The following KCND3 variants were observed in gnomAD, a reference collection of about 807,000 sequenced individuals.
KCND3 encodes the protein A-type voltage-gated potassium channel KCND3.
KCND3 carries 9 observed loss-of-function variants against 51.1 expected under a neutral mutation model. The ratio of observed to expected loss-of-function variants is 0.18; its 90% CI spans 0.11 to 0.31. KCND3 has a LOEUF of 0.31. Among genes scored for constraint, KCND3 ranks in the 10% least tolerant of loss-of-function variants. The pLI, the probability that KCND3 is intolerant of heterozygous loss-of-function variation, is 1.00. For missense variants in KCND3, 526 were observed against 903.8 expected, an observed-to-expected ratio of 0.58 and a Z score of 5.36; for synonymous variants, 349 against 368.0, an observed-to-expected ratio of 0.95 and a Z score of 0.59.
At position 111,780,628 on chromosome 1, in the gene KCND3, A is replaced by G. The variant is rs1015217202; in HGVS notation, c.1371+62T>C. On this transcript the variant is annotated intron_variant, in intron 4 of 7. Coordinates refer to ENST00000302127, the MANE Select transcript of KCND3 (RefSeq NM_001378969.1). This position sits in a 1 kb window ranked among gnomAD's most constrained non-coding sequence, Gnocchi z 4.2. ...CTGGTGAGAGTGCTGGTGTCCCGGG[A>G]AAGAGAAAACAAGCCCATCTACCCC... The G allele has an allele frequency of 1.2e-5, 16 of 1,385,078 alleles. No individual in the cohort carries two copies. The South Asian group carries it at 1.8e-4, about 16-fold the overall frequency. The allele number at this position is 1,385,078 out of a possible 1,614,324, so 85.8% of individuals were successfully genotyped here.
At chr1:111,984,189 T>C (rs1226540276) in intron 1 of KCND3, among the ~76,000 whole-genome samples, 2 of 152,188 alleles carry the variant, frequency 1.3e-5, no homozygotes, top group African/African-American at 2.4e-5. Context: ...CGAAGACTTG[T>C]AATGGGAGTC....
chr1:111,779,770 G>A (rs1262601875), intron 5 of KCND3, among the ~76,000 whole-genome samples: 2 of 152,180 alleles, frequency 1.3e-5, no homozygotes, highest in African/African-American at 2.4e-5. Context: ...TCCTTCACAC[G>A]CTGTCTGCAG....
chr1:111,883,872 T>C (rs1330361348), intron 2 of KCND3, among the ~76,000 whole-genome samples: 1 of 152,238 alleles, frequency 6.6e-6, no homozygotes, highest in Non-Finnish European at 1.5e-5. Flanking sequence ...ATGCTGAATT[T>C]TTCCCCCAAC....
At chr1:111,919,761 C>T (rs1407575260) in intron 2 of KCND3, among the ~76,000 whole-genome samples, 1 of 152,214 alleles carries the variant, frequency 6.6e-6, no homozygotes, top group Non-Finnish European at 1.5e-5. Context: ...CTCAGCAACA[C>T]TCTTACCACA....
intron 2 of KCND3, among the ~76,000 whole-genome samples, chr1:111,837,621 G>T (rs1246355836): frequency 2.0e-5 from 3 of 152,152 alleles, no homozygotes; most frequent in Admixed American, 2.0e-4. Context: ...GTCCCACTTA[G>T]TTGCCTGATT....
Position 111,775,819 on chromosome 1 carries a change from A to AACCCCCCCCCCCCCCCCC in KCND3, c.*257_*258insGGGGGGGGGGGGGGGGGT. The AACCCCCCCCCCCCCCCCC allele has an allele frequency of 2.0e-5, 2 of 97,706 alleles. No individual in the cohort carries two copies. The highest frequency in any genetic ancestry group is 1.9e-4 in the South Asian group (1 of 5,202). The allele number at this position is 97,706 out of a possible 1,614,324, so 6.1% of individuals were successfully genotyped here. On this transcript the variant is annotated 3_prime_UTR_variant, in exon 8 of 8. Transcript: ENST00000302127. ...GCCTATATCCCCCGGCCTATCCCCGACCCCCCCACCCTCCCTCCCTTCCTC... is the reference window on the plus strand; with the variant it reads ...GCCTATATCCCCCGGCCTATCCCCGAACCCCCCCCCCCCCCCCCCCCCCCCACCCTCCCTCCCTTCCTC...
chr1:111,880,699 A>G (rs1669260427), intron 2 of KCND3, among the ~76,000 whole-genome samples: 1 of 152,160 alleles, frequency 6.6e-6, no homozygotes, highest in Non-Finnish European at 1.5e-5. Context: ...CCTTATTGAA[A>G]TTTCTACCGT....
chr1:111,894,217 T>A (rs1213234117), intron 2 of KCND3, among the ~76,000 whole-genome samples: 1 of 152,176 alleles, frequency 6.6e-6, no homozygotes, highest in East Asian at 1.9e-4. Flanking sequence ...TGCTCCAGCC[T>A]CACGGCCTCC....
In KCND3 at chr1:111,982,636, G is replaced by A. The variant is rs1403997481; in HGVS notation, c.91C>T (p.Pro31Ser). Reference protein sequence around the residue: ...PVANCPMPLAPADKNKRQDEL... With the variant: ...PVANCPMPLASADKNKRQDEL... ...TCCTGCCGCTTGTTCTTGTCGGCCG[G>A]GGCCAGGGGCATGGGGCAGTTGGCC... The change falls in exon 2 of 8, where the codon CCG becomes TCG. Residue 31 changes from proline (P) to serine (S), a missense_variant. Physicochemically the swap from Pro to Ser is moderately conservative, Grantham distance 74. This residue lies in a region of KCND3 where 159 missense variants were observed against 262.8 expected (regional missense o/e 0.61). Coordinates refer to ENST00000302127, the MANE Select transcript of KCND3 (RefSeq NM_001378969.1). This position sits in a 1 kb window ranked among gnomAD's most constrained non-coding sequence, Gnocchi z 8.5. The A allele has an allele frequency of 1.2e-6, 2 of 1,613,746 alleles. No homozygotes were observed. The highest frequency in any genetic ancestry group is 1.7e-6 in the Non-Finnish European group (2 of 1,179,910).
chr1:111,804,617 C>T (rs777041334), intron 2 of KCND3, among the ~76,000 whole-genome samples: 12 of 152,226 alleles, frequency 7.9e-5, no homozygotes, highest in Non-Finnish European at 1.8e-4. Flanking sequence ...AGGTGCCCTG[C>T]TCCACTGCTG....
At chr1:111,839,710 C>T (rs1667235407) in intron 2 of KCND3, among the ~76,000 whole-genome samples, 1 of 152,186 alleles carries the variant, frequency 6.6e-6, no homozygotes, top group Admixed American at 6.5e-5. Context: ...TTTACAATAA[C>T]CCTTTGAGAA....
intron 2 of KCND3, among the ~76,000 whole-genome samples, chr1:111,841,848 G>C (rs1378427608): frequency 2.0e-5 from 3 of 152,158 alleles, no homozygotes; most frequent in African/African-American, 4.8e-5. Context: ...CTTGTTTGAG[G>C]CTGTTTAGGA....
chr1:111,923,084 C>CA (rs1671549905), intron 2 of KCND3, among the ~76,000 whole-genome samples: 1 of 152,184 alleles, frequency 6.6e-6, no homozygotes, highest in South Asian at 2.1e-4. Flanking sequence ...CCTGACCTCT[C>CA]AATCTCAGTT....
chr1:111,819,129 G>A (rs1666237573), intron 2 of KCND3, among the ~76,000 whole-genome samples: 1 of 152,130 alleles, frequency 6.6e-6, no homozygotes, highest in African/African-American at 2.4e-5. Context: ...TTCCCCATGT[G>A]TGACCACAAG....
chr1:111,989,661 C>A lies in KCND3; in HGVS notation c.-229G>T, dbSNP rs1462589017. ...CGGCTCCTCCTCGCCAGCGCAGTCT[C>A]GCTCGCTGCCTCCCTCGCTCGGTCG... On this transcript the variant is annotated 5_prime_UTR_variant, in exon 1 of 8. Coordinates refer to ENST00000302127, the MANE Select transcript of KCND3 (RefSeq NM_001378969.1). The A allele has an allele frequency of 6.7e-6, 1 of 148,608 alleles. No homozygotes were observed. The highest frequency in any genetic ancestry group is 6.7e-5 in the Admixed American group (1 of 14,880). 9.2% of individuals were successfully genotyped at this position (148,608 alleles called of 1,614,324 possible). A position where few individuals can be genotyped will look rare whatever the true frequency, so the allele number is the denominator to read the frequency against.
At chr1:111,800,566 A>G (rs1042308453) in intron 2 of KCND3, among the ~76,000 whole-genome samples, 6 of 151,948 alleles carry the variant, frequency 3.9e-5, no homozygotes, top group African/African-American at 1.2e-4. Flanking sequence ...AAAAAAAAAA[A>G]AAAAGAAAAT....
intron 6 of KCND3, among the ~76,000 whole-genome samples, chr1:111,777,838 T>C (rs565170315): frequency 6.6e-6 from 1 of 152,330 alleles, no homozygotes; most frequent in South Asian, 2.1e-4. Context: ...TTTCCCCACC[T>C]GATTATGGGA....
intron 2 of KCND3, among the ~76,000 whole-genome samples, chr1:111,846,243 TA>T (rs1411030266): frequency 1.3e-5 from 2 of 152,204 alleles, no homozygotes; most frequent in Non-Finnish European, 2.9e-5. Context: ...ATCATCCACT[TA>T]TACTGAAATA....
At position 111,809,769 on chromosome 1, in the gene KCND3, A is replaced by G. The variant is rs578256199; in HGVS notation, c.1107-22663T>C. 2.6e-5 allele frequency among the ~76,000 whole-genome samples: 4 copies of G among 152,318 alleles called. No homozygotes were observed. In the East Asian group the frequency reaches 5.8e-4, roughly 22 times the overall value. On this transcript the variant is annotated intron_variant, in intron 2 of 7. Transcript: ENST00000302127. ...AACAATATTAAATGATAGTCGTTACATGTCAGACACTGGGCTGAGTGCTGG... is the reference window on the plus strand; with the variant it reads ...AACAATATTAAATGATAGTCGTTACGTGTCAGACACTGGGCTGAGTGCTGG...
Sources: gnomAD v4.1 joint callset for allele counts (sites outside exome capture counted in the v4.1 genomes callset) on GRCh38, gnomAD v4.1.1 for gene constraint, gnomAD v4.1.1 regional missense constraint, Gnocchi (gnomAD v3.1) non-coding constraint, MANE v1.5 for transcripts, NCBI Gene and HGNC (gene_info 2026-07-23, HGNC 2026-07-21) for gene names.